The following DNASE1L3 variants were observed in gnomAD, a reference collection of about 807,000 sequenced individuals.
DNASE1L3 encodes the protein deoxyribonuclease gamma.
DNASE1L3 carries 27 observed loss-of-function variants against 30.9 expected under a neutral mutation model. The ratio of observed to expected loss-of-function variants is 0.87; its 90% CI spans 0.64 to 1.20. The LOEUF is 1.20. DNASE1L3 is among the 50% of genes most tolerant of loss of function. DNASE1L3 has a pLI of 0.00. For missense variants in DNASE1L3, 364 were observed against 378.2 expected (o/e 0.96, Z 0.31); for synonymous variants, 135 against 138.0 (o/e 0.98, Z 0.15).
chr3:58,193,074 T>C, intron 7 of DNASE1L3: 2 of 1,371,476 alleles, frequency 1.5e-6, no homozygotes, highest in Non-Finnish European at 1.9e-6. Context: ...CATCAACCCA[T>C]CTTTTTTTTT....
In DNASE1L3 at chr3:58,210,707, C is replaced by T; in HGVS notation, c.141+59G>A. 1.9e-6 allele frequency: 3 copies of T among 1,609,740 alleles called. No individual in the cohort carries two copies. The South Asian group carries it at 3.3e-5, about 18-fold the overall frequency. On this transcript the variant is annotated intron_variant, in intron 1 of 7. Transcript: ENST00000394549. Reference sequence around the variant, plus strand: ...AGTTCCTTGAGTCTCTTAAAGTCTGCAGACAGGAGAGAGGGTGTGAGGGGT... The same window carrying T: ...AGTTCCTTGAGTCTCTTAAAGTCTGTAGACAGGAGAGAGGGTGTGAGGGGT...
chr3:58,204,857 C>T lies in DNASE1L3; in HGVS notation c.345G>A (p.Arg115=), dbSNP rs2097402955. ...CCTGATAGTCATGGTAGTGATAACT[C>T]CTCTTCACAGACACCAGCTTTTCCC... The part of the protein sequence containing the change: ...LYKEKLVSVK[R]SYHYHDYQDG... The change falls in exon 4 of 8, where the codon AGG becomes AGA. Residue 115 remains arginine (R), a synonymous_variant. Transcript: ENST00000394549. 6.2e-7 allele frequency: 1 copy of T among 1,614,052 alleles called. No individual in the cohort carries two copies. The highest frequency in any genetic ancestry group is 1.1e-5 in the South Asian group (1 of 91,080).
intron 2 of DNASE1L3, among the ~76,000 whole-genome samples, chr3:58,207,228 A>G (rs2097404600): frequency 2.0e-5 from 3 of 152,020 alleles, no homozygotes; most frequent in South Asian, 2.1e-4. Context: ...AAAATTAGCT[A>G]GGCATAGTGG....
chr3:58,210,944 C>T lies in DNASE1L3; in HGVS notation c.-38G>A. 1 of 1,610,424 alleles carries T rather than the reference C, an allele frequency of 6.2e-7. No individual in the cohort carries two copies. The highest frequency in any genetic ancestry group is 1.1e-5 in the South Asian group (1 of 90,910). ...CTGGCTTCAAGACTCTGTGAGAAGA[C>T]AGCAGTGCTTGGAGTGCTGGATTCT... On this transcript the variant is annotated 5_prime_UTR_variant, in exon 1 of 8. Coordinates refer to ENST00000394549, the MANE Select transcript of DNASE1L3 (RefSeq NM_004944.4).
chr3:58,196,795 G>A (rs998056541), intron 6 of DNASE1L3, among the ~76,000 whole-genome samples: 10 of 152,170 alleles, frequency 6.6e-5, no homozygotes, highest in Non-Finnish European at 1.0e-4. Context: ...AAAGATGAAA[G>A]CTGTTTGAAA....
At position 58,200,684 on chromosome 3, in the gene DNASE1L3, A is replaced by T. The variant is rs896072644; in HGVS notation, c.546+313T>A. Among the ~76,000 whole-genome samples, 4 of 152,204 alleles carry T rather than the reference A, an allele frequency of 2.6e-5. No individual in the cohort carries two copies. The highest frequency in any genetic ancestry group is 9.7e-5 in the African/African-American group (4 of 41,446). On this transcript the variant is annotated intron_variant, in intron 5 of 7. Transcript: ENST00000394549. This position sits in a 1 kb window ranked among gnomAD's most constrained non-coding sequence, Gnocchi z 4.2. ...GGTACTGTAGCTACCTCAAGGGATT[A>T]TTGGGAGGATTAAATAAACTTGTCC...
chr3:58,192,389 G>T lies in DNASE1L3; in HGVS notation c.*298C>A, dbSNP rs561393492. 9.5e-6 allele frequency: 2 copies of T among 209,506 alleles called. No individual in the cohort carries two copies. The highest frequency in any genetic ancestry group is 1.0e-4 in the South Asian group (1 of 9,788). 13.0% of individuals were successfully genotyped at this position (209,506 alleles called of 1,614,324 possible). A position where few individuals can be genotyped will look rare whatever the true frequency, so the allele number is the denominator to read the frequency against. The stretch of plus-strand genomic sequence containing the variant: ...GCTCTTCCTCCCCCTGCAGCCTCTC[G>T]CATGACAGGGTTGAGCAGGGCCAGT... On this transcript the variant is annotated 3_prime_UTR_variant, in exon 8 of 8. Transcript: ENST00000394549. This position sits in a 1 kb window ranked among gnomAD's most constrained non-coding sequence, Gnocchi z 4.8.
In DNASE1L3 at chr3:58,204,819, T is replaced by C. The variant is rs2097402935; in HGVS notation, c.383A>G (p.Asp128Gly). 6.2e-7 allele frequency: 1 copy of C among 1,614,140 alleles called. No individual in the cohort carries two copies. Among genetic ancestry groups the C allele is most frequent in the Non-Finnish European group, 8.5e-7 (1 of 1,180,012 alleles). Residue 128 changes from aspartate to glycine, a missense_variant, in exon 4 of 8, where the codon GAT (aspartate) becomes GGT (glycine). Coordinates refer to ENST00000394549, the MANE Select transcript of DNASE1L3 (RefSeq NM_004944.4). ...CACAAAGGGCTCCCTGGAAAACACA[T>C]CTGCGTCTCCATCCTGATAGTCATG... ...HYHDYQDGDA[D>G]VFSREPFVVW...
At chr3:58,201,170 G>T in intron 4 of DNASE1L3, 61 bp from the exon 5 acceptor site, 1 of 1,390,604 alleles carries the variant, frequency 7.2e-7, no homozygotes, top group Non-Finnish European at 1.0e-6. Flanking sequence ...CATAAACACT[G>T]CTGGAGGGAA....
chr3:58,204,513 C>T (rs1040353770), intron 4 of DNASE1L3, among the ~76,000 whole-genome samples: 3 of 152,138 alleles, frequency 2.0e-5, no homozygotes, highest in African/African-American at 7.2e-5. Flanking sequence ...TTTCCATGAG[C>T]CTAAACTCTC....
rs138720416 is a variant in DNASE1L3 at position 58,201,024 on chromosome 3, C to G, written c.519G>C (p.Thr173=). The G allele has an allele frequency of 3.0e-4, 486 of 1,612,516 alleles. No individual in the cohort carries two copies. Among genetic ancestry groups the G allele is most frequent in the Non-Finnish European group, 3.8e-4 (448 of 1,179,152 alleles). The change falls in exon 5 of 8, where the codon ACG becomes ACC. Residue 173 remains threonine, a synonymous_variant. Coordinates refer to ENST00000394549, the MANE Select transcript of DNASE1L3 (RefSeq NM_004944.4). ...CCGCCTTCCAGCGGTGTTTCACGTCCGTGTAGACCTCAACCAACTCATCGA... is the reference window on the plus strand; with the variant it reads ...CCGCCTTCCAGCGGTGTTTCACGTCGGTGTAGACCTCAACCAACTCATCGA... ...KEIDELVEVY[T]DVKHRWKAEN...
At position 58,200,419 on chromosome 3, in the gene DNASE1L3, G is replaced by A. The variant is rs897929409; in HGVS notation, c.546+578C>T. On this transcript the variant is annotated intron_variant, in intron 5 of 7. Coordinates refer to ENST00000394549, the MANE Select transcript of DNASE1L3 (RefSeq NM_004944.4). The surrounding 1 kb of genome is among the most constrained non-coding windows in gnomAD (Gnocchi z 4.2). The stretch of plus-strand genomic sequence containing the variant: ...CAGGGATGGAACCAACCTGAGAATG[G>A]AGCCACACAGAGGAAAGGGCAACCA... Among the ~76,000 whole-genome samples, 10 of 152,152 alleles carry A rather than the reference G, an allele frequency of 6.6e-5. No homozygotes were observed. The highest frequency in any genetic ancestry group is 2.4e-4 in the African/African-American group (10 of 41,432).
chr3:58,192,770 A>G lies in DNASE1L3; in HGVS notation c.835T>C (p.Phe279Leu), dbSNP rs1480054461. ...AAGGCCCTTGAAGACTGTAGTTTAA[A>G]TTCAACTGGAAAGTGGTCGCTGACA... ...LDVSDHFPVE[F>L]KLQSSRAFTN... The change falls in exon 8 of 8, where the codon TTT becomes CTT. Residue 279 changes from phenylalanine to leucine, a missense_variant. Phe to Leu is a conservative substitution (Grantham distance 22). Coordinates refer to ENST00000394549, the MANE Select transcript of DNASE1L3 (RefSeq NM_004944.4). This position sits in a 1 kb window ranked among gnomAD's most constrained non-coding sequence, Gnocchi z 4.8. The G allele has an allele frequency of 1.9e-6, 3 of 1,614,122 alleles. No individual in the cohort carries two copies. In the East Asian group the frequency reaches 6.7e-5, roughly 36 times the overall value.
Position 58,194,509 on chromosome 3 carries a change from G to A in DNASE1L3, c.705-1070C>T, listed in dbSNP as rs780345440. Among the ~76,000 whole-genome samples, 18 of 150,300 alleles carry A rather than the reference G, an allele frequency of 1.2e-4. No individual in the cohort carries two copies. In the East Asian group the frequency reaches 3.0e-3, roughly 25 times the overall value. The stretch of plus-strand genomic sequence containing the variant: ...TAATTTTTGTATTTTTAGTAGAGAC[G>A]GGGTTTATCCCTGTTGGCCAGGCTG... On this transcript the variant is annotated intron_variant, in intron 6 of 7. Transcript: ENST00000394549.
intron 5 of DNASE1L3, among the ~76,000 whole-genome samples, chr3:58,198,550 G>C (rs375684209): frequency 6.6e-6 from 1 of 152,214 alleles, no homozygotes; most frequent in African/African-American, 2.4e-5. Context: ...CAGTTTTGAT[G>C]AGTCGATGAC....
chr3:58,193,691 T>G (rs190494518), intron 6 of DNASE1L3, among the ~76,000 whole-genome samples: 4 of 152,130 alleles, frequency 2.6e-5, no homozygotes, highest in African/African-American at 4.8e-5. Flanking sequence ...TCTGGTGGAG[T>G]AGGAGAAGAT....
intron 6 of DNASE1L3, among the ~76,000 whole-genome samples, chr3:58,196,820 T>C (rs560330370): frequency 2.6e-5 from 4 of 152,294 alleles, no homozygotes; most frequent in Admixed American, 2.6e-4. Context: ...CTGAAGGGAC[T>C]TTAAAAAGCA....
chr3:58,193,260 A>G (rs1051412671), intron 7 of DNASE1L3, 83 bp downstream of exon 7: 5 of 1,543,444 alleles, frequency 3.2e-6, no homozygotes, highest in African/African-American at 1.4e-5. Flanking sequence ...TGAATTTTTC[A>G]TAGAGATGGA....
intron 2 of DNASE1L3, among the ~76,000 whole-genome samples, chr3:58,207,137 G>A (rs2097404549): frequency 6.6e-6 from 1 of 152,136 alleles, no homozygotes; most frequent in South Asian, 2.1e-4. Context: ...TTGGGAGGCT[G>A]AGAGGGGCAG....
Sources: gnomAD v4.1 joint callset for allele counts (sites outside exome capture counted in the v4.1 genomes callset) on GRCh38, gnomAD v4.1.1 for gene constraint, Gnocchi (gnomAD v3.1) non-coding constraint, MANE v1.5 for transcripts, NCBI Gene and HGNC (gene_info 2026-07-23, HGNC 2026-07-21) for gene names.